Variants in RBMS3 observed in about 807,000 individuals in gnomAD.
The protein encoded by RBMS3 is RNA binding motif single stranded interacting protein 3.
In RBMS3, 27 loss-of-function variants were observed where a neutral mutation model predicts 66.8. That is an observed-to-expected ratio of 0.40 (90% CI 0.30 to 0.56). The LOEUF is 0.56. RBMS3 is among the 20% of genes least tolerant of loss of function. The pLI is 0.40. For synonymous variants in RBMS3, 188 were observed against 183.0 expected, an observed-to-expected ratio of 1.03 and a Z score of -0.22; for missense variants, 513 against 549.5, an observed-to-expected ratio of 0.93 and a Z score of 0.66.
rs559798169 is a variant in RBMS3 at position 29,549,050 on chromosome 3, C to T, written c.308-38064C>T. On this transcript the variant is annotated intron_variant, in intron 3 of 14. Coordinates refer to ENST00000383767, the MANE Select transcript of RBMS3 (RefSeq NM_001003793.3). Reference sequence around the variant, plus strand: ...ACAAGCCCAAATTCTCCTTTTCCCTCCTACTTCTGTTTTTTTTTTTTTTTT... The same window carrying T: ...ACAAGCCCAAATTCTCCTTTTCCCTTCTACTTCTGTTTTTTTTTTTTTTTT... 2.0e-5 allele frequency among the ~76,000 whole-genome samples: 3 copies of T among 149,176 alleles called. No individual in the cohort carries two copies. The South Asian group carries it at 6.4e-4, about 32-fold the overall frequency.
intron 1 of RBMS3, among the ~76,000 whole-genome samples, chr3:29,399,985 T>C (rs2039735459): frequency 6.6e-6 from 1 of 152,190 alleles, no homozygotes; most frequent in African/African-American, 2.4e-5. Context: ...GGTTGCTGAA[T>C]TCAGGTTTCA....
At chr3:29,361,069 T>A (rs1040368087) in intron 1 of RBMS3, among the ~76,000 whole-genome samples, 1 of 152,040 alleles carries the variant, frequency 6.6e-6, no homozygotes, top group Non-Finnish European at 1.5e-5. Flanking sequence ...TATTGTTATG[T>A]GTGAATTTGA....
intron 6 of RBMS3, among the ~76,000 whole-genome samples, chr3:29,804,920 CGTGTGTGTGTGTGTGTGTGTGTGTGT>C (rs10576635): frequency 6.8e-6 from 1 of 146,328 alleles, no homozygotes; most frequent in Non-Finnish European, 1.5e-5. Context: ...TCTGCGTGTA[CGTGTGTGTGTGTGTGTGTGTGTGTGT>C]GTGTGTGTGT....
chr3:29,917,825 G>C (rs2060677773), intron 10 of RBMS3, among the ~76,000 whole-genome samples: 1 of 152,082 alleles, frequency 6.6e-6, no homozygotes, highest in Admixed American at 6.6e-5. Context: ...CAAAACGTTT[G>C]TGAACCTTCT....
chr3:29,347,432 T>C (rs1461605821), intron 1 of RBMS3, among the ~76,000 whole-genome samples: 1 of 152,190 alleles, frequency 6.6e-6, no homozygotes, highest in Non-Finnish European at 1.5e-5. Flanking sequence ...AGGGGTTTGT[T>C]TATTTTAATT....
chr3:29,570,450 C>A (rs1197771009), intron 3 of RBMS3, among the ~76,000 whole-genome samples: 1 of 151,992 alleles, frequency 6.6e-6, no homozygotes, highest in African/African-American at 2.4e-5. Context: ...ACCCTTCAAC[C>A]ATCCTCACCT....
chr3:29,736,612 G>A (rs866908402), intron 4 of RBMS3, among the ~76,000 whole-genome samples: 1 of 152,290 alleles, frequency 6.6e-6, no homozygotes, highest in Middle Eastern at 3.4e-3. Flanking sequence ...GTCATGTGCT[G>A]TGGCCCACTC....
At chr3:29,750,670 A>C (rs150222372) in intron 5 of RBMS3, among the ~76,000 whole-genome samples, 1 of 152,070 alleles carries the variant, frequency 6.6e-6, no homozygotes, top group Admixed American at 6.6e-5. Flanking sequence ...CCTAGTACCC[A>C]TTAGTTATTT....
At chr3:29,386,739 A>T (rs1217031628) in intron 1 of RBMS3, among the ~76,000 whole-genome samples, 1 of 152,172 alleles carries the variant, frequency 6.6e-6, no homozygotes, top group Non-Finnish European at 1.5e-5. Flanking sequence ...ACCCCATTTT[A>T]AAGCAAACTC....
chr3:29,738,927 G>T (rs1441156820), intron 4 of RBMS3, among the ~76,000 whole-genome samples: 4 of 152,132 alleles, frequency 2.6e-5, no homozygotes, highest in African/African-American at 9.7e-5. Context: ...GTGTAACTTG[G>T]ATAAGTTAGG....
chr3:29,578,790 C>CTTCTT (rs2047215672), intron 3 of RBMS3, among the ~76,000 whole-genome samples: 1 of 101,086 alleles, frequency 9.9e-6, no homozygotes, highest in African/African-American at 4.5e-5. Context: ...ATACATGCTT[C>CTTCTT]TTTTTTTTTT....
chr3:29,761,871 T>C (rs1377271656), intron 5 of RBMS3, among the ~76,000 whole-genome samples: 3 of 152,170 alleles, frequency 2.0e-5, no homozygotes, highest in African/African-American at 4.8e-5. Context: ...TACACATTCT[T>C]TCATGTGTGT....
rs147409321 is a variant in RBMS3 at position 29,950,945 on chromosome 3, T to C, written c.1098+6691T>C. 2.1e-3 allele frequency among the ~76,000 whole-genome samples: 315 copies of C among 151,982 alleles called. 1 individual carries two copies. The highest frequency in any genetic ancestry group is 7.1e-3 in the African/African-American group (296 of 41,516). ...CTTATTTTTAACTAACAATGTAAAATACCCAGCTTAATCTATTTTCCCTTA... is the reference window on the plus strand; with the variant it reads ...CTTATTTTTAACTAACAATGTAAAACACCCAGCTTAATCTATTTTCCCTTA... On this transcript the variant is annotated intron_variant, in intron 12 of 14. Coordinates refer to ENST00000383767, the MANE Select transcript of RBMS3 (RefSeq NM_001003793.3).
chr3:29,598,648 T>C (rs1342898981), intron 4 of RBMS3, among the ~76,000 whole-genome samples: 1 of 152,066 alleles, frequency 6.6e-6, no homozygotes, highest in East Asian at 1.9e-4. Flanking sequence ...TTGCATTCAT[T>C]CCTGCTGAGT....
At chr3:29,706,403 G>C (rs1248277852) in intron 4 of RBMS3, among the ~76,000 whole-genome samples, 1 of 152,190 alleles carries the variant, frequency 6.6e-6, no homozygotes, top group African/African-American at 2.4e-5. Flanking sequence ...TCAATCCAAA[G>C]TGACACATAA....
chr3:29,733,203 T>C (rs2054209154), intron 4 of RBMS3, among the ~76,000 whole-genome samples: 1 of 152,112 alleles, frequency 6.6e-6, no homozygotes, highest in Non-Finnish European at 1.5e-5. Flanking sequence ...TTCAGGGTAT[T>C]TCTAAATGTT....
At chr3:29,754,538 T>C (rs1180657745) in intron 5 of RBMS3, among the ~76,000 whole-genome samples, 2 of 152,202 alleles carry the variant, frequency 1.3e-5, no homozygotes, top group African/African-American at 2.4e-5. Flanking sequence ...ATGAAAGTTA[T>C]GCTCATATCA....
chr3:29,364,867 C>T (rs1192883189), intron 1 of RBMS3, among the ~76,000 whole-genome samples: 1 of 152,112 alleles, frequency 6.6e-6, no homozygotes, highest in Non-Finnish European at 1.5e-5. Flanking sequence ...CGACCAATTG[C>T]TTCCTCCACA....
Position 29,458,033 on chromosome 3 carries a change from A to C in RBMS3, c.248+23118A>C, listed in dbSNP as rs542518582. Among the ~76,000 whole-genome samples, 225 of 152,280 alleles carry C rather than the reference A, an allele frequency of 1.5e-3. 1 individual carries two copies. Among genetic ancestry groups the C allele is most frequent in the African/African-American group, 4.9e-3 (203 of 41,556 alleles). On this transcript the variant is annotated intron_variant, in intron 2 of 14. Transcript: ENST00000383767. ...TCCTTTAAGAAGCTCTTCCTGACTCAGAAATTTGATCAGATAGCCTTCTGA... is the reference window on the plus strand; with the variant it reads ...TCCTTTAAGAAGCTCTTCCTGACTCCGAAATTTGATCAGATAGCCTTCTGA...
Sources: allele counts gnomAD v4.1 joint callset (sites outside exome capture counted in the v4.1 genomes callset), GRCh38; gene constraint gnomAD v4.1.1; transcripts MANE v1.5; gene names NCBI Gene and HGNC (gene_info 2026-07-23, HGNC 2026-07-21).